Variants in TRPM1 observed in about 807,000 individuals in gnomAD.
TRPM1 encodes the protein TRPM1-203 APA Isoform, Intron 10.
TRPM1 carries 113 observed loss-of-function variants against 149.4 expected under a neutral mutation model. That is an observed-to-expected ratio of 0.76 (90% CI 0.65 to 0.88). TRPM1 has a LOEUF of 0.88. Ranked by LOEUF, TRPM1 falls within the 40% of genes least tolerant of loss-of-function variation. The pLI is 0.00. For missense variants in TRPM1, 1,976 were observed against 2,038.7 expected, an observed-to-expected ratio of 0.97 and a Z score of 0.59; for synonymous variants, 741 against 759.5, an observed-to-expected ratio of 0.98 and a Z score of 0.40.
intron 1 of TRPM1, among the ~76,000 whole-genome samples, chr15:31,140,850 C>T (rs2036151737): frequency 6.6e-6 from 1 of 152,174 alleles, no homozygotes; most frequent in South Asian, 2.1e-4. Context: ...GAGACAGAGT[C>T]TTGCTCTGTT....
intron 18 of TRPM1, among the ~76,000 whole-genome samples, chr15:31,038,991 C>CT (rs1175210129): frequency 0.025 from 3,328 of 131,434 alleles, 56 homozygotes; most frequent in African/African-American, 0.054. Context: ...CATGCTTCCC[C>CT]TTTTTTTTTT....
rs768889606 is a variant in TRPM1, at chr15:31,026,135, G to A, written c.3629+4C>T. 3.7e-6 allele frequency: 6 copies of A among 1,610,956 alleles called. No individual in the cohort carries two copies. Among genetic ancestry groups the A allele is most frequent in the African/African-American group, 2.7e-5 (2 of 75,048 alleles). ...CGGGCCCGCGGTGGGGACGCTACAC[G>A]TACCTTTCAGAAGTGACCCGGATGC... is the stretch of plus-strand genomic sequence containing the variant. On this transcript the variant is annotated splice_donor_region_variant and intron_variant, in intron 27 of 27. Coordinates refer to ENST00000256552, the MANE Select transcript of TRPM1 (RefSeq NM_001252024.2).
At chr15:31,117,574 G>A (rs927535800) in intron 1 of TRPM1, among the ~76,000 whole-genome samples, 1 of 151,710 alleles carries the variant, frequency 6.6e-6, no homozygotes, top group Non-Finnish European at 1.5e-5. Context: ...CTTGAACCCG[G>A]TAGGTGGAGG....
In TRPM1 at chr15:31,081,040, C is replaced by T. The variant is rs80260593; in HGVS notation, c.3+313G>A. The stretch of plus-strand genomic sequence containing the variant: ...ACAAGGGGTGTTTAGATGCCTCCTT[C>T]AAGGCAGGGCCCCCTGTCCCCCCCC... On this transcript the variant is annotated intron_variant, in intron 2 of 27. Transcript: ENST00000256552. 0.058 allele frequency among the ~76,000 whole-genome samples: 8,817 copies of T among 152,228 alleles called. 339 individuals carry two copies. Among genetic ancestry groups the T allele is most frequent in the Non-Finnish European group, 0.081 (5,501 of 67,988 alleles).
chr15:31,020,023 A>G (rs1397644922), intron 27 of TRPM1, among the ~76,000 whole-genome samples: 5 of 152,252 alleles, frequency 3.3e-5, no homozygotes, highest in African/African-American at 1.2e-4. Flanking sequence ...CAGTATACTG[A>G]ATAGTTACTA....
At chr15:31,033,078 T>C in intron 21 of TRPM1, 138 bp from the exon 22 acceptor site, 1 of 1,167,190 alleles carries the variant, frequency 8.6e-7, no homozygotes, top group Non-Finnish European at 1.3e-6. Flanking sequence ...AACACTCTTC[T>C]TCTCAGGCAG....
Position 31,146,141 on chromosome 15 carries a change from T to G in TRPM1, c.54+14765A>C, listed in dbSNP as rs185657371. On this transcript the variant is annotated intron_variant, in intron 1 of 26. Transcript: ENST00000542188. Reference sequence around the variant, plus strand: ...ATAGTAGTCTCCTTGGTGCACTGTATCCTCTCAAAAAAGTTTTAAATGTTT... The same window carrying G: ...ATAGTAGTCTCCTTGGTGCACTGTAGCCTCTCAAAAAAGTTTTAAATGTTT... Among the ~76,000 whole-genome samples, 364 of 152,264 alleles carry G rather than the reference T, an allele frequency of 2.4e-3. 2 individuals carry two copies. The highest frequency in any genetic ancestry group is 8.3e-3 in the African/African-American group (346 of 41,548).
chr15:31,103,650 T>C (rs1030682974), upstream of TRPM1, among the ~76,000 whole-genome samples: 1 of 151,306 alleles, frequency 6.6e-6, no homozygotes, highest in African/African-American at 2.4e-5. Flanking sequence ...TCATCTCTAC[T>C]AAAAATATAA....
At chr15:31,111,640 C>T (rs2035690920) in intron 1 of TRPM1, among the ~76,000 whole-genome samples, 1 of 152,208 alleles carries the variant, frequency 6.6e-6, no homozygotes, top group Non-Finnish European at 1.5e-5. Flanking sequence ...GCAGCTGTGG[C>T]TCCTCACAGT....
rs528538036 is a variant in TRPM1 at position 31,132,260 on chromosome 15, T to A, written c.54+28646A>T. Among the ~76,000 whole-genome samples the A allele has an allele frequency of 2.6e-5, 4 of 152,308 alleles. No individual in the cohort carries two copies. The South Asian group carries it at 8.3e-4, about 32-fold the overall frequency. Reference sequence around the variant, plus strand: ...GCTCCTCTTTCTTGCACCTCCCGACTGAGGGGCCTCCATCCCCCCGAGGAG... The same window carrying A: ...GCTCCTCTTTCTTGCACCTCCCGACAGAGGGGCCTCCATCCCCCCGAGGAG... On this transcript the variant is annotated intron_variant, in intron 1 of 26. Coordinates refer to the TRPM1 transcript ENST00000542188.
intron 1 of TRPM1, among the ~76,000 whole-genome samples, chr15:31,155,203 C>T (rs1477731976): frequency 6.6e-6 from 1 of 152,154 alleles, no homozygotes; most frequent in Non-Finnish European, 1.5e-5. Flanking sequence ...GGTGCTGTAG[C>T]CTCAAAGGGA....
intron 15 of TRPM1, 144 bp downstream of exon 15, chr15:31,046,967 C>T: frequency 2.5e-6 from 3 of 1,176,760 alleles, no homozygotes; most frequent in South Asian, 1.2e-5. Context: ...TGGCTCTGGC[C>T]TGAGAGCACT....
At chr15:31,072,007 A>G (rs1035380917) in intron 3 of TRPM1, among the ~76,000 whole-genome samples, 1 of 37,498 alleles carries the variant, frequency 2.7e-5, no homozygotes, top group African/African-American at 7.1e-5. Context: ...ATATATATAT[A>G]TATATATATA....
chr15:31,069,089 A>C (rs2034460129), intron 4 of TRPM1, among the ~76,000 whole-genome samples: 1 of 152,240 alleles, frequency 6.6e-6, no homozygotes, highest in Non-Finnish European at 1.5e-5. Context: ...ACTTGTACTG[A>C]AAATTTATCC....
chr15:31,053,928 G>A (rs1244156812), intron 11 of TRPM1, among the ~76,000 whole-genome samples: 1 of 152,208 alleles, frequency 6.6e-6, no homozygotes, highest in Non-Finnish European at 1.5e-5. Context: ...TCTGACAAAT[G>A]CTACAACACG....
intron 13 of TRPM1, 59 bp from the exon 14 acceptor site, chr15:31,047,998 C>G (rs971175627): frequency 8.2e-5 from 122 of 1,480,082 alleles, no homozygotes; most frequent in Admixed American, 1.2e-4. Flanking sequence ...CGCGGTGGCT[C>G]ACGCCTGTAG....
At chr15:31,085,353 T>C (rs552920954) in intron 1 of TRPM1, among the ~76,000 whole-genome samples, 1 of 152,340 alleles carries the variant, frequency 6.6e-6, no homozygotes, top group South Asian at 2.1e-4. Context: ...GACATATGCA[T>C]ATTTAAGCTG....
At chr15:31,076,768 C>G (rs550452029) in intron 3 of TRPM1, 137 bp downstream of exon 3, 3 of 738,484 alleles carry the variant, frequency 4.1e-6, no homozygotes, top group Non-Finnish European at 7.4e-6. Flanking sequence ...GCCCCAGTGA[C>G]TCCCTTGTTA....
chr15:31,149,664 C>G (rs1349987269), intron 1 of TRPM1, among the ~76,000 whole-genome samples: 1 of 152,234 alleles, frequency 6.6e-6, no homozygotes, highest in East Asian at 1.9e-4. Flanking sequence ...GGACTACAAG[C>G]ACCCGCCACC....
Sources: allele counts gnomAD v4.1 joint callset (sites outside exome capture counted in the v4.1 genomes callset), GRCh38; gene constraint gnomAD v4.1.1; transcripts MANE v1.5; gene names NCBI Gene and HGNC (gene_info 2026-07-23, HGNC 2026-07-21).